The following PKD1L1 variants were observed in gnomAD, a reference collection of about 807,000 sequenced individuals.
The protein encoded by PKD1L1 is polycystin-1-like protein 1.
PKD1L1 carries 236 observed loss-of-function variants against 323.4 expected under a neutral mutation model. The observed-to-expected ratio is 0.73, with a 90% CI of 0.66 to 0.81. The LOEUF is 0.81. Among genes scored for constraint, PKD1L1 ranks in the 40% least tolerant of loss-of-function variants. The probability of loss-of-function intolerance (pLI) is 0.00; values close to 1 mark genes in which losing one functional copy is unlikely to be tolerated. For synonymous variants in PKD1L1, 1,344 were observed against 1,335.0 expected (o/e 1.01, Z -0.15); for missense variants, 3,320 against 3,508.0 (o/e 0.95, Z 1.35).
chr7:47,811,949 G>C lies in PKD1L1; in HGVS notation c.7449C>G (p.Thr2483=). The C allele has an allele frequency of 6.2e-7, 1 of 1,604,078 alleles. No homozygotes were observed. Among genetic ancestry groups the C allele is most frequent in the South Asian group, 1.1e-5 (1 of 88,788 alleles). ...SVHFTLYNPP[T]QLFTSVSLRV... is the part of the protein sequence containing the mutation. ...TCAGGGACACGCTGGTGAAGAGTTG[G>C]GTTGGAGGGTTATAGAGAGTGAAGT... is the stretch of plus-strand genomic sequence containing the variant. The change falls in exon 50 of 57, where the codon ACC becomes ACG. Residue 2483 remains threonine (T), a synonymous_variant. Coordinates refer to ENST00000289672, the MANE Select transcript of PKD1L1 (RefSeq NM_138295.5).
At chr7:47,873,336 T>C (rs1044558668) in intron 24 of PKD1L1, among the ~76,000 whole-genome samples, 2 of 152,156 alleles carry the variant, frequency 1.3e-5, no homozygotes, top group Non-Finnish European at 2.9e-5. Context: ...ATGATATCTT[T>C]AAAAACTGTT....
At chr7:47,792,905 A>G (rs1786984147) in intron 55 of PKD1L1, 108 bp from the exon 56 acceptor site, 1 of 1,050,902 alleles carries the variant, frequency 9.5e-7, no homozygotes, top group African/African-American at 1.6e-5. Flanking sequence ...GTATTGGGCT[A>G]TGTTAGGAAA....
At chr7:47,902,136 C>T (rs1787105595) in intron 13 of PKD1L1, among the ~76,000 whole-genome samples, 1 of 152,226 alleles carries the variant, frequency 6.6e-6, no homozygotes, top group Non-Finnish European at 1.5e-5. Context: ...AACTTATTCA[C>T]ACACCAGACC....
Position 47,877,628 on chromosome 7 carries a change from G to A in PKD1L1, c.3524C>T (p.Ser1175Leu), listed in dbSNP as rs758983757. The A allele has an allele frequency of 9.3e-6, 15 of 1,613,286 alleles. No individual in the cohort carries two copies. The highest frequency in any genetic ancestry group is 3.3e-5 in the Admixed American group (2 of 59,894). ...ETYVLQVSVASKHGLLGKAQL... is the reference protein window; with the variant it reads ...ETYVLQVSVALKHGLLGKAQL... ...AGCTTTACCCAGTAAGCCATGCTTCGAAGCTAAAGAGAAAGATGAAGCAGC... is the reference window on the plus strand; with the variant it reads ...AGCTTTACCCAGTAAGCCATGCTTCAAAGCTAAAGAGAAAGATGAAGCAGC... The change falls in exon 22 of 57, where the codon TCG becomes TTG. Residue 1175 changes from serine (S) to leucine (L), a missense_variant. Physicochemically the swap from Ser to Leu is moderately radical, Grantham distance 145. Transcript: ENST00000289672.
chr7:47,777,287 A>T (rs1786589400), intron 56 of PKD1L1, among the ~76,000 whole-genome samples: 1 of 152,230 alleles, frequency 6.6e-6, no homozygotes, highest in Non-Finnish European at 1.5e-5. Context: ...TTGAGGGAAA[A>T]TATTCTTGGG....
chr7:47,834,632 T>G (rs930282018), intron 39 of PKD1L1, among the ~76,000 whole-genome samples: 1 of 152,110 alleles, frequency 6.6e-6, no homozygotes, highest in Non-Finnish European at 1.5e-5. Context: ...CATGGCAGCT[T>G]GAGAAAAATG....
intron 49 of PKD1L1, 94 bp downstream of exon 49, chr7:47,813,027 T>C: frequency 6.8e-7 from 1 of 1,472,602 alleles, no homozygotes; most frequent in Non-Finnish European, 9.2e-7. Context: ...GTCAGGAGGC[T>C]GCACCTGCTG....
chr7:47,959,933 GA>G, the PKD1L1 span, among the ~76,000 whole-genome samples: 1 of 151,904 alleles, frequency 6.6e-6, no homozygotes, highest in Middle Eastern at 3.4e-3. Context: ...AGAAAGGGGG[GA>G]AAGGCGGGGA....
intron 55 of PKD1L1, 131 bp from the exon 56 acceptor site, chr7:47,792,928 G>A (rs1354298800): frequency 8.4e-6 from 7 of 828,562 alleles, no homozygotes; most frequent in South Asian, 3.9e-5. Flanking sequence ...TACTGACTCT[G>A]CCTGCAGTTA....
intron 13 of PKD1L1, among the ~76,000 whole-genome samples, chr7:47,901,582 G>C (rs775923150): frequency 6.6e-6 from 1 of 152,114 alleles, no homozygotes; most frequent in Non-Finnish European, 1.5e-5. Context: ...CAGAGAACGC[G>C]TTCCCCCAGC....
Position 47,840,318 on chromosome 7 carries a change from T to C in PKD1L1, c.5552+143A>G. On this transcript the variant is annotated intron_variant, in intron 35 of 56. Coordinates refer to ENST00000289672, the MANE Select transcript of PKD1L1 (RefSeq NM_138295.5). This position sits in a 1 kb window ranked among gnomAD's most constrained non-coding sequence, Gnocchi z 4.1. ...CTCAGAATAATAAACTAAAAATACATCATAAAATTGTTTGTATATAAATCG... is the reference window on the plus strand; with the variant it reads ...CTCAGAATAATAAACTAAAAATACACCATAAAATTGTTTGTATATAAATCG... 1.7e-6 allele frequency: 1 copy of C among 595,590 alleles called. No homozygotes were observed. The allele number at this position is 595,590 out of a possible 1,614,324, so 36.9% of individuals were successfully genotyped here.
At chr7:47,796,883 C>T (rs948889010) in intron 54 of PKD1L1, among the ~76,000 whole-genome samples, 30 of 150,806 alleles carry the variant, frequency 2.0e-4, no homozygotes, top group Non-Finnish European at 4.1e-4. Flanking sequence ...ACCTGTAGTC[C>T]CAGCTACTCG....
chr7:47,867,846 AG>A (rs1206228409), intron 24 of PKD1L1, among the ~76,000 whole-genome samples: 2 of 152,240 alleles, frequency 1.3e-5, no homozygotes, highest in Non-Finnish European at 2.9e-5. Context: ...AATGTTCAAA[AG>A]TAAATTTGAG....
intron 31 of PKD1L1, among the ~76,000 whole-genome samples, chr7:47,849,150 G>A (rs989651065): frequency 1.3e-5 from 2 of 152,204 alleles, no homozygotes; most frequent in African/African-American, 4.8e-5. Context: ...GCCACGTGTA[G>A]AAGAATAAAA....
intron 31 of PKD1L1, among the ~76,000 whole-genome samples, chr7:47,852,263 G>A (rs1011773691): frequency 2.0e-5 from 3 of 152,092 alleles, no homozygotes; most frequent in Non-Finnish European, 4.4e-5. Context: ...TATATGTTGT[G>A]CGTATTTTTC....
intron 1 of PKD1L1, 24 bp downstream of exon 1, chr7:47,948,373 C>A: frequency 1.2e-6 from 2 of 1,613,778 alleles, no homozygotes; most frequent in Non-Finnish European, 1.7e-6. Flanking sequence ...CTTACCAAAC[C>A]CTCTGAGAAC....
Position 47,821,120 on chromosome 7 carries a change from T to G in PKD1L1, c.6921A>C (p.Gln2307His), listed in dbSNP as rs777280881. 8 of 1,609,476 alleles carry G rather than the reference T, an allele frequency of 5.0e-6. No individual in the cohort carries two copies. Among genetic ancestry groups the G allele is most frequent in the Non-Finnish European group, 6.8e-6 (8 of 1,175,910 alleles). The change falls in exon 46 of 57, where the codon CAA becomes CAC. Residue 2307 changes from glutamine (Q) to histidine (H), a missense_variant. Physicochemically the swap from Gln to His is conservative, Grantham distance 24. Transcript: ENST00000289672. Reference sequence around the variant, plus strand: ...TAGCTTGATTGAGGGAGTATTCATCTTGGGAAAATCTCCCATATATTACAC... The same window carrying G: ...TAGCTTGATTGAGGGAGTATTCATCGTGGGAAAATCTCCCATATATTACAC... ...LLCVIYGRFS[Q>H]DEYSLNQAIR...
At chr7:47,913,764 A>G (rs1787372449) in intron 8 of PKD1L1, among the ~76,000 whole-genome samples, 1 of 152,198 alleles carries the variant, frequency 6.6e-6, no homozygotes, top group Non-Finnish European at 1.5e-5. Context: ...TCTTTTCTTT[A>G]TAAATTATCC....
intron 51 of PKD1L1, 71 bp from the exon 52 acceptor site, chr7:47,808,458 G>T: frequency 6.4e-7 from 1 of 1,569,978 alleles, no homozygotes; most frequent in Non-Finnish European, 8.7e-7. Flanking sequence ...CATGTGACAC[G>T]CGTTTGTAAG....
Sources: allele counts gnomAD v4.1 joint callset (sites outside exome capture counted in the v4.1 genomes callset), GRCh38; gene constraint gnomAD v4.1.1; non-coding constraint Gnocchi (gnomAD v3.1); transcripts MANE v1.5; gene names NCBI Gene and HGNC (gene_info 2026-07-23, HGNC 2026-07-21).